The following IPO5 variants were observed in gnomAD, a reference collection of about 807,000 sequenced individuals.
IPO5 encodes the protein importin-5.
Under a neutral mutation model 143.3 loss-of-function variants are expected in IPO5, and 18 were observed. The observed-to-expected ratio is 0.13, with a 90% CI of 0.09 to 0.19. The LOEUF (loss-of-function observed/expected upper bound fraction) is 0.19, where lower values mean the gene tolerates loss of function less well. Among genes scored for constraint, IPO5 ranks in the 10% least tolerant of loss-of-function variants. The probability of loss-of-function intolerance (pLI) is 1.00; values close to 1 mark genes in which losing one functional copy is unlikely to be tolerated. For synonymous variants in IPO5, 477 were observed against 465.7 expected, an observed-to-expected ratio of 1.02 and a Z score of -0.31; for missense variants, 1,013 against 1,336.9, an observed-to-expected ratio of 0.76 and a Z score of 3.78.
rs535882128 is a variant in IPO5, at chr13:98,003,980, A to T, written c.1497+943A>T. Among the ~76,000 whole-genome samples, 212 of 152,378 alleles carry T rather than the reference A, an allele frequency of 1.4e-3. 1 individual carries two copies. Among genetic ancestry groups the T allele is most frequent in the African/African-American group, 4.7e-3 (197 of 41,592 alleles). On this transcript the variant is annotated intron_variant, in intron 16 of 28. Transcript: ENST00000651721. ...AAAAATGATTATAGTTACAGCTGAA[A>T]TAAGGGATGCAACCTGAAAACAATT... is the stretch of plus-strand genomic sequence containing the variant.
intron 16 of IPO5, among the ~76,000 whole-genome samples, chr13:98,005,899 T>G (rs572907524): frequency 1.3e-5 from 2 of 152,112 alleles, no homozygotes; most frequent in East Asian, 3.9e-4. Flanking sequence ...CTAACATGAG[T>G]TAGAGGTGTT....
At chr13:97,959,710 G>A (rs533245445) in intron 2 of IPO5, among the ~76,000 whole-genome samples, 1 of 152,122 alleles carries the variant, frequency 6.6e-6, no homozygotes. Context: ...CTCCAGCCGG[G>A]GTGACGGACT....
intron 27 of IPO5, 116 bp from the exon 28 acceptor site, chr13:98,020,876 A>G (rs1243939563): frequency 1.2e-5 from 9 of 741,952 alleles, no homozygotes; most frequent in East Asian, 2.8e-5. Context: ...GAGTTCATAT[A>G]TAAGATTGGC....
intron 16 of IPO5, among the ~76,000 whole-genome samples, chr13:98,005,554 ATAGT>A (rs1013088042): frequency 7.9e-5 from 12 of 152,098 alleles, no homozygotes; most frequent in South Asian, 4.2e-4. Context: ...CCAGCAGCAA[ATAGT>A]TAGTAAGCAT....
chr13:98,013,255 T>C (rs1889861295), intron 21 of IPO5, among the ~76,000 whole-genome samples: 1 of 152,150 alleles, frequency 6.6e-6, no homozygotes, highest in Non-Finnish European at 1.5e-5. Context: ...TGTTTTTGTT[T>C]TTAAGTAGAG....
At chr13:98,004,163 C>T (rs889979922) in intron 16 of IPO5, among the ~76,000 whole-genome samples, 4 of 152,164 alleles carry the variant, frequency 2.6e-5, no homozygotes, top group African/African-American at 4.8e-5. Flanking sequence ...AAAAGATAAA[C>T]CTGCTCTCAA....
At chr13:97,982,378 G>C in intron 4 of IPO5, 125 bp from the exon 5 acceptor site, 1 of 629,648 alleles carries the variant, frequency 1.6e-6, no homozygotes, top group Admixed American at 2.9e-5. Flanking sequence ...TGTCACAGAA[G>C]GTGTTAACAC....
At chr13:98,000,377 G>A (rs1888663285) in intron 12 of IPO5, among the ~76,000 whole-genome samples, 162 bp from the exon 13 acceptor site, 1 of 151,882 alleles carries the variant, frequency 6.6e-6, no homozygotes, top group African/African-American at 2.4e-5. Flanking sequence ...TTTCTAAGCT[G>A]CAGAGTTTTT....
At chr13:97,987,829 T>C (rs986302078) in intron 6 of IPO5, among the ~76,000 whole-genome samples, 1 of 152,236 alleles carries the variant, frequency 6.6e-6, no homozygotes, top group Non-Finnish European at 1.5e-5. Flanking sequence ...TTAAATTGTT[T>C]AGAAAATTCT....
intron 26 of IPO5, among the ~76,000 whole-genome samples, chr13:98,019,180 C>T (rs1460580375): frequency 6.6e-6 from 1 of 152,132 alleles, no homozygotes; most frequent in Non-Finnish European, 1.5e-5. Context: ...TCTCGATCTC[C>T]TGACCTCGTG....
chr13:97,958,046 T>C (rs940468769), intron 2 of IPO5, among the ~76,000 whole-genome samples: 11 of 152,090 alleles, frequency 7.2e-5, no homozygotes, highest in Non-Finnish European at 1.6e-4. Context: ...AAAAGAGAAT[T>C]ACAACTTAAA....
Position 98,010,135 on chromosome 13 carries a change from G to C in IPO5, c.1966G>C (p.Gly656Arg), listed in dbSNP as rs367739792. Residue 656 changes from glycine (G) to arginine (R), a missense_variant, in exon 20 of 29, where the codon GGT becomes CGT. Gly to Arg is a moderately radical substitution (Grantham distance 125). This residue lies in a region of IPO5 where 685 missense variants were observed against 994.9 expected (regional missense o/e 0.69). Transcript: ENST00000651721. ...QDMENMSDDD[G>R]WEFVNLGDQQ... Reference sequence around the variant, plus strand: ...CATGGAGAATATGAGTGATGATGATGGTTGGGAATTTGTGAACCTTGGAGA... The same window carrying C: ...CATGGAGAATATGAGTGATGATGATCGTTGGGAATTTGTGAACCTTGGAGA... 3.1e-6 allele frequency: 5 copies of C among 1,613,982 alleles called. No individual in the cohort carries two copies. The highest frequency in any genetic ancestry group is 4.2e-6 in the Non-Finnish European group (5 of 1,179,990).
At chr13:98,016,037 A>G (rs559067182) in intron 24 of IPO5, among the ~76,000 whole-genome samples, 7 of 152,246 alleles carry the variant, frequency 4.6e-5, no homozygotes, top group Admixed American at 3.3e-4. Context: ...GTTCATTTAC[A>G]TACTGCTCAC....
At chr13:97,960,154 T>C (rs1175624761) in intron 2 of IPO5, 1 of 152,220 alleles carries the variant, frequency 6.6e-6, no homozygotes, top group African/African-American at 2.4e-5. Flanking sequence ...TAGCTCCAAC[T>C]ATGAGATGCA....
At chr13:97,961,551 T>C (rs1221965822) in intron 2 of IPO5, among the ~76,000 whole-genome samples, 2 of 152,246 alleles carry the variant, frequency 1.3e-5, no homozygotes, top group Non-Finnish European at 2.9e-5. Context: ...ATTAGCAAAG[T>C]ATGAGCGTTT....
chr13:97,961,945 A>C (rs1594009860), intron 2 of IPO5, among the ~76,000 whole-genome samples: 1 of 152,096 alleles, frequency 6.6e-6, no homozygotes, highest in East Asian at 1.9e-4. Flanking sequence ...CCTGGCCAAC[A>C]CGGCAAAACC....
rs770234227 is a variant in IPO5 at position 97,976,680 on chromosome 13, C to G, written c.-4-13C>G. The G allele has an allele frequency of 2.3e-6, 3 of 1,317,666 alleles. No individual in the cohort carries two copies. The highest frequency in any genetic ancestry group is 3.0e-6 in the Non-Finnish European group (3 of 995,922). The allele number at this position is 1,317,666 out of a possible 1,614,324, so 81.6% of individuals were successfully genotyped here. A position where few individuals can be genotyped will look rare whatever the true frequency, so the allele number is the denominator to read the frequency against. Reference sequence around the variant, plus strand: ...GCTCCTGTCTCCCCTCCCTCCTTCTCTCTCACGCCTAGCGCAATGGCGGCG... The same window carrying G: ...GCTCCTGTCTCCCCTCCCTCCTTCTGTCTCACGCCTAGCGCAATGGCGGCG... On this transcript the variant is annotated splice_polypyrimidine_tract_variant and intron_variant, in intron 3 of 28. Coordinates refer to ENST00000651721, the MANE Select transcript of IPO5 (RefSeq NM_002271.6).
At chr13:98,007,287 T>A (rs1344737427) in intron 17 of IPO5, 1 of 152,212 alleles carries the variant, frequency 6.6e-6, no homozygotes, top group Non-Finnish European at 1.5e-5. Flanking sequence ...AAATATGTGC[T>A]TGGAAACATG....
Position 97,997,565 on chromosome 13 carries a change from A to T in IPO5, c.948A>T (p.Glu316Asp), listed in dbSNP as rs780570175. The change falls in exon 12 of 29, where the codon GAA becomes GAT. Residue 316 changes from glutamate (E) to aspartate (D), a missense_variant. Around this residue, in one of 2 missense-constraint regions of IPO5, gnomAD observed 685 missense variants for 994.9 expected, o/e 0.69. Coordinates refer to ENST00000651721, the MANE Select transcript of IPO5 (RefSeq NM_002271.6). ...TGTTAGCAATGATGGTTGATTTGGA[A>T]GAAGATGAGGACTGGGCAAATGCAG... is the stretch of plus-strand genomic sequence containing the variant. ...PQMLAMMVDL[E>D]EDEDWANADE... 1.9e-6 allele frequency: 3 copies of T among 1,610,700 alleles called. No individual in the cohort carries two copies. The South Asian group carries it at 3.3e-5, about 18-fold the overall frequency.
Sources: allele counts gnomAD v4.1 joint callset (sites outside exome capture counted in the v4.1 genomes callset), GRCh38; gene constraint gnomAD v4.1.1; regional missense constraint gnomAD v4.1.1; transcripts MANE v1.5; gene names NCBI Gene and HGNC (gene_info 2026-07-23, HGNC 2026-07-21).